The following SPG7 variants were observed in gnomAD, a reference collection of about 807,000 sequenced individuals.
The protein encoded by SPG7 is SPG7 matrix AAA peptidase subunit, paraplegin, also known as mitochondrial inner membrane m-AAA protease component paraplegin.
Under a neutral mutation model 81.9 loss-of-function variants are expected in SPG7, and 103 were observed. That is an observed-to-expected ratio of 1.26 (90% CI 1.07 to 1.48). The LOEUF (loss-of-function observed/expected upper bound fraction) is 1.48, where lower values mean the gene tolerates loss of function less well. Among genes scored for constraint, SPG7 ranks in the 40% most tolerant of loss-of-function variants. The pLI, the probability that SPG7 is intolerant of heterozygous loss-of-function variation, is 0.00. For synonymous variants in SPG7, 534 were observed against 444.2 expected (o/e 1.20, Z -2.54); for missense variants, 1,241 against 1,087.3 (o/e 1.14, Z -1.99).
chr16:89,544,919 T>A lies in SPG7; in HGVS notation c.1449+147T>A, dbSNP rs568218762. The A allele has an allele frequency of 1.5e-4, 141 of 949,826 alleles. No homozygotes were observed. The African/African-American group carries it at 2.0e-3, about 13-fold the overall frequency. 58.8% of individuals were successfully genotyped at this position (949,826 alleles called of 1,614,324 possible). On this transcript the variant is annotated intron_variant, in intron 10 of 16. Coordinates refer to ENST00000645818, the MANE Select transcript of SPG7 (RefSeq NM_003119.4). The stretch of plus-strand genomic sequence containing the variant: ...GGCAGTGTCCAGCGTGGCCCCCGCA[T>A]CGGCTGCACGCCCCCAGCAGACCTG...
At chr16:89,513,138 A>G in intron 3 of SPG7, 101 bp downstream of exon 3, 1 of 1,508,964 alleles carries the variant, frequency 6.6e-7, no homozygotes, top group South Asian at 1.2e-5. Flanking sequence ...AAATGGGGAG[A>G]TGGGCCGGGT....
At chr16:89,510,808 G>T (rs2058010634) in intron 2 of SPG7, among the ~76,000 whole-genome samples, 1 of 152,166 alleles carries the variant, frequency 6.6e-6, no homozygotes, top group East Asian at 1.9e-4. Context: ...AGGACTACAG[G>T]CGTGTACCGT....
In SPG7 at chr16:89,544,793, C is replaced by T. The variant is rs770539327; in HGVS notation, c.1449+21C>T. On this transcript the variant is annotated intron_variant, in intron 10 of 16. Transcript: ENST00000645818. ...TGCAGGTCAGAGCCAGGATCCCAGC[C>T]TCTCCCACTCCACCTGGGCCGCCCC... 5 of 1,613,520 alleles carry T rather than the reference C, an allele frequency of 3.1e-6. No individual in the cohort carries two copies. In the African/African-American group the frequency reaches 6.7e-5, roughly 22 times the overall value.
rs901183140 is a variant in SPG7, at chr16:89,547,938, TTCC to T, written c.1553-59_1553-57del. On this transcript the variant is annotated intron_variant, in intron 11 of 16. Transcript: ENST00000645818. ...ATCTTTGTTCTCCCTTGAGGGCCCC[TTCC>T]TCCTCTTAAGCCCTGATAGCAGAAA... 9.3e-5 allele frequency: 115 copies of T among 1,242,440 alleles called. 1 individual carries two copies. In the African/African-American group the frequency reaches 1.1e-3, roughly 11 times the overall value. 77.0% of individuals were successfully genotyped at this position (1,242,440 alleles called of 1,614,324 possible). A position where few individuals can be genotyped will look rare whatever the true frequency, so the allele number is the denominator to read the frequency against.
chr16:89,546,000 A>G, intron 10 of SPG7: 1 of 411,610 alleles, frequency 2.4e-6, no homozygotes, highest in Non-Finnish European at 4.8e-6. Flanking sequence ...GTGCTGGTTA[A>G]TTTTTAACAG....
intron 3 of SPG7, chr16:89,518,532 G>A (rs1227692391): frequency 6.6e-6 from 1 of 151,508 alleles, no homozygotes; most frequent in Non-Finnish European, 1.5e-5. Flanking sequence ...AACCCAGAAG[G>A]AATTACACAG....
intron 9 of SPG7, chr16:89,537,861 G>A: frequency 1.3e-6 from 1 of 796,738 alleles, no homozygotes; most frequent in Non-Finnish European, 1.5e-6. Flanking sequence ...TAATGTGGCA[G>A]TAAATGTATC....
intron 6 of SPG7, 65 bp from the exon 7 acceptor site, chr16:89,530,618 G>T: frequency 6.2e-7 from 1 of 1,607,040 alleles, no homozygotes; most frequent in South Asian, 1.1e-5. Context: ...TGGGCTGAGC[G>T]CTGGCATCGT....
At position 89,546,810 on chromosome 16, in the gene SPG7, G is replaced by A. The variant is rs116358196; in HGVS notation, c.1552+50G>A. ...GCAGCGTCACGTCCTGAGGGCAGGT[G>A]GTGTCACCTGCGCAAACAGCATCGA... On this transcript the variant is annotated intron_variant, in intron 11 of 16. Coordinates refer to ENST00000645818, the MANE Select transcript of SPG7 (RefSeq NM_003119.4). 2,849 of 1,259,004 alleles carry A rather than the reference G, an allele frequency of 2.3e-3. 53 individuals carry two copies. In the African/African-American group the frequency reaches 0.037, roughly 16 times the overall value. The allele number at this position is 1,259,004 out of a possible 1,614,324, so 78.0% of individuals were successfully genotyped here. A position where few individuals can be genotyped will look rare whatever the true frequency, so the allele number is the denominator to read the frequency against.
At position 89,557,526 on chromosome 16, in the gene SPG7, TGAGCCGA is replaced by T; in HGVS notation, c.*434_*440del. 1 of 226,144 alleles carries T rather than the reference TGAGCCGA, an allele frequency of 4.4e-6. No homozygotes were observed. The highest frequency in any genetic ancestry group is 9.0e-6 in the Non-Finnish European group (1 of 110,914). The allele number at this position is 226,144 out of a possible 1,614,324, so 14.0% of individuals were successfully genotyped here. A position where few individuals can be genotyped will look rare whatever the true frequency, so the allele number is the denominator to read the frequency against. On this transcript the variant is annotated 3_prime_UTR_variant, in exon 17 of 17. Coordinates refer to ENST00000645818, the MANE Select transcript of SPG7 (RefSeq NM_003119.4). ...GGGGATCGGACATGAAAGGACCCTG[TGAGCCGA>T]TTGTCCTATCTCCAGCGGCCCTGTC...
At chr16:89,541,135 TCAC>T (rs2058490605) in intron 9 of SPG7, 1 of 978,776 alleles carries the variant, frequency 1.0e-6, no homozygotes, top group Non-Finnish European at 1.2e-6. Context: ...TGTATCCTTA[TCAC>T]GGTGTTCTAC....
chr16:89,536,668 TGAGATC>T, intron 9 of SPG7: 1 of 1,442,260 alleles, frequency 6.9e-7, no homozygotes, highest in Non-Finnish European at 9.6e-7. Context: ...GCGAGGCGGG[TGAGATC>T]GGGCGAGGCG....
rs919558741 is a variant in SPG7 at position 89,530,113 on chromosome 16, A to G, written c.861+534A>G. 5 of 268,758 alleles carry G rather than the reference A, an allele frequency of 1.9e-5. No individual in the cohort carries two copies. The East Asian group carries it at 5.0e-4, about 27-fold the overall frequency. The allele number at this position is 268,758 out of a possible 1,614,324, so 16.6% of individuals were successfully genotyped here. On this transcript the variant is annotated intron_variant, in intron 6 of 16. Coordinates refer to ENST00000645818, the MANE Select transcript of SPG7 (RefSeq NM_003119.4). ...CTCAGCCTCCCAAAGTGCTGGGATT[A>G]TAGGCATGAGCCACTGCACCTGGCC...
intron 12 of SPG7, 47 bp from the exon 13 acceptor site, chr16:89,550,447 A>C (rs1425865664): frequency 2.2e-6 from 3 of 1,370,150 alleles, no homozygotes; most frequent in Non-Finnish European, 3.1e-6. Flanking sequence ...CGCTGGGATT[A>C]CAGGCGTGAG....
intron 14 of SPG7, chr16:89,553,344 A>G: frequency 3.3e-6 from 2 of 611,738 alleles, no homozygotes; most frequent in Middle Eastern, 3.3e-4. Flanking sequence ...CTTAACCTAT[A>G]TGCCAACTCT....
chr16:89,513,594 C>T (rs369856180), intron 3 of SPG7, among the ~76,000 whole-genome samples: 4 of 152,190 alleles, frequency 2.6e-5, no homozygotes, highest in African/African-American at 9.6e-5. Flanking sequence ...ATTGGCCAGG[C>T]GTGGTGGTGT....
At position 89,554,548 on chromosome 16, in the gene SPG7, G is replaced by T; in HGVS notation, c.2166G>T (p.Leu722=). Residue 722 remains leucine, a synonymous_variant, in exon 16 of 17, where the codon CTG becomes CTT. Transcript: ENST00000645818. The part of the protein sequence containing the change: ...RHTEKVLQDN[L]DKLQALANAL... ...CCGAGAAGGTGCTGCAGGACAACCT[G>T]GACAAGTTGCAGGCGGTGAGGCCCT... 1 of 1,609,374 alleles carries T rather than the reference G, an allele frequency of 6.2e-7. No homozygotes were observed. The highest frequency in any genetic ancestry group is 1.1e-5 in the South Asian group (1 of 91,020).
chr16:89,554,054 C>T (rs2058664103), intron 15 of SPG7, 94 bp downstream of exon 15: 2 of 1,365,948 alleles, frequency 1.5e-6, no homozygotes, highest in African/African-American at 1.4e-5. Flanking sequence ...GCCGCCCCAG[C>T]GGAGCTCAGC....
chr16:89,556,717 G>T, intron 16 of SPG7, 170 bp from the exon 17 acceptor site: 1 of 676,008 alleles, frequency 1.5e-6, no homozygotes, highest in Non-Finnish European at 2.7e-6. Flanking sequence ...TTGAGATGGG[G>T]GTGATTCTTC....
Sources: allele counts gnomAD v4.1 joint callset (sites outside exome capture counted in the v4.1 genomes callset), GRCh38; gene constraint gnomAD v4.1.1; transcripts MANE v1.5; gene names NCBI Gene and HGNC (gene_info 2026-07-23, HGNC 2026-07-21).